Variants in CADPS observed in about 807,000 individuals in gnomAD.
CADPS encodes the protein calcium-dependent secretion activator 1.
A neutral mutation model predicts 167.3 loss-of-function variants in CADPS; 57 were observed. The ratio of observed to expected loss-of-function variants is 0.34; its 90% CI spans 0.28 to 0.42. The LOEUF (loss-of-function observed/expected upper bound fraction) is 0.42. Ranked by LOEUF, CADPS falls within the 20% of genes least tolerant of loss-of-function variation. The pLI is 1.00. For missense variants in CADPS, 1,414 were observed against 1,738.1 expected, an observed-to-expected ratio of 0.81 and a Z score of 3.32; for synonymous variants, 676 against 635.3, an observed-to-expected ratio of 1.06 and a Z score of -0.96.
intron 1 of CADPS, among the ~76,000 whole-genome samples, chr3:62,784,756 A>G (rs2092231909): frequency 2.4e-5 from 1 of 40,870 alleles, no homozygotes; most frequent in African/African-American, 5.3e-5. Context: ...GAATGCAAGC[A>G]AAAACAAAAA....
At chr3:62,464,344 C>A (rs1428107538) in intron 26 of CADPS, among the ~76,000 whole-genome samples, 2 of 152,200 alleles carry the variant, frequency 1.3e-5, no homozygotes, top group Non-Finnish European at 2.9e-5. Context: ...GGCATTCAGT[C>A]ACTATCTGGG....
chr3:62,719,725 C>T (rs551355781), intron 3 of CADPS, among the ~76,000 whole-genome samples: 7 of 152,298 alleles, frequency 4.6e-5, no homozygotes, highest in African/African-American at 1.4e-4. Context: ...AAGGCTCATC[C>T]TACCATTACA....
At chr3:62,512,411 A>C (rs2068043699) in intron 17 of CADPS, among the ~76,000 whole-genome samples, 2 of 152,156 alleles carry the variant, frequency 1.3e-5, no homozygotes, top group Admixed American at 6.6e-5. Context: ...AGAAATGAAA[A>C]ACAAAGAGGA....
At chr3:62,768,575 C>G (rs2087589918) in intron 1 of CADPS, among the ~76,000 whole-genome samples, 1 of 152,172 alleles carries the variant, frequency 6.6e-6, no homozygotes, top group African/African-American at 2.4e-5. Flanking sequence ...CCACACTCTG[C>G]CCAGCCCTGC....
At chr3:62,706,433 T>A (rs941971970) in intron 3 of CADPS, among the ~76,000 whole-genome samples, 4 of 152,126 alleles carry the variant, frequency 2.6e-5, no homozygotes, top group African/African-American at 9.7e-5. Context: ...GGCCTCCCTA[T>A]CTTGAAATAG....
chr3:62,562,797 T>C (rs2079411630), intron 9 of CADPS, among the ~76,000 whole-genome samples: 1 of 152,216 alleles, frequency 6.6e-6, no homozygotes, highest in Non-Finnish European at 1.5e-5. Context: ...AGTAAAACAC[T>C]TGGCCCATGC....
intron 6 of CADPS, among the ~76,000 whole-genome samples, chr3:62,613,414 A>C (rs756960983): frequency 2.0e-5 from 3 of 152,192 alleles, no homozygotes; most frequent in Non-Finnish European, 2.9e-5. Flanking sequence ...GGTCGTCCTC[A>C]TAAGACTCTT....
At chr3:62,606,273 T>C (rs2060684240) in intron 6 of CADPS, among the ~76,000 whole-genome samples, 1 of 152,132 alleles carries the variant, frequency 6.6e-6, no homozygotes, top group Non-Finnish European at 1.5e-5. Flanking sequence ...TATGACAGTA[T>C]TGAGGAGTGG....
intron 3 of CADPS, among the ~76,000 whole-genome samples, chr3:62,669,207 G>C (rs2075070034): frequency 6.6e-6 from 1 of 152,148 alleles, no homozygotes; most frequent in Non-Finnish European, 1.5e-5. Flanking sequence ...CCAGAGATTA[G>C]TGTCTGAGAT....
intron 11 of CADPS, among the ~76,000 whole-genome samples, chr3:62,537,374 T>C (rs1428046671): frequency 1.3e-5 from 2 of 152,154 alleles, no homozygotes; most frequent in Non-Finnish European, 2.9e-5. Context: ...GGCTAACTAA[T>C]TAATCTCAAC....
intron 1 of CADPS, among the ~76,000 whole-genome samples, chr3:62,847,230 A>T (rs926297034): frequency 2.9e-4 from 40 of 139,256 alleles, no homozygotes; most frequent in Admixed American, 1.4e-4. Flanking sequence ...CTTACCCGCC[A>T]CCTCCAGTTA....
intron 1 of CADPS, among the ~76,000 whole-genome samples, chr3:62,771,264 A>G (rs2088650724): frequency 6.6e-6 from 1 of 152,332 alleles, no homozygotes; most frequent in Middle Eastern, 3.4e-3. Context: ...TACCAGGCAC[A>G]GTGTTAGGCT....
At chr3:62,448,519 C>G (rs998838104) in intron 26 of CADPS, among the ~76,000 whole-genome samples, 1 of 152,088 alleles carries the variant, frequency 6.6e-6, no homozygotes, top group Admixed American at 6.5e-5. Flanking sequence ...GATCCTCCTC[C>G]CATCCCATAA....
At chr3:62,722,487 G>A (rs1242300883) in intron 3 of CADPS, among the ~76,000 whole-genome samples, 2 of 152,234 alleles carry the variant, frequency 1.3e-5, no homozygotes, top group African/African-American at 4.8e-5. Context: ...AACTAAGGGA[G>A]ACTCAGGGAC....
intron 7 of CADPS, among the ~76,000 whole-genome samples, chr3:62,591,529 G>C (rs2086028720): frequency 6.6e-6 from 1 of 152,164 alleles, no homozygotes; most frequent in South Asian, 2.1e-4. Flanking sequence ...CAATGATGCT[G>C]GGGTATAGTA....
intron 2 of CADPS, among the ~76,000 whole-genome samples, chr3:62,756,991 C>T (rs369779782): frequency 5.9e-5 from 9 of 152,160 alleles, no homozygotes; most frequent in East Asian, 3.9e-4. Flanking sequence ...AGCTGGGACA[C>T]GGCACAAACC....
Position 62,465,403 on chromosome 3 carries a change from G to A in CADPS, c.3600C>T (p.Asp1200=), listed in dbSNP as rs376866233. The change falls in exon 26 of 30, where the codon GAC becomes GAT. Residue 1200 remains aspartate, a synonymous_variant. Coordinates refer to ENST00000383710, the MANE Select transcript of CADPS (RefSeq NM_003716.4). The surrounding 1 kb of genome is among the most constrained non-coding windows in gnomAD (Gnocchi z 4.1). The part of the protein sequence containing the change: ...EGVLAKLSRY[D]EGTLFSSFLS... ...GAAAAGAAGAAAACAAAGTCCCTTCGTCATATCTGGATAATTTTGCCAGCA... is the reference window on the plus strand; with the variant it reads ...GAAAAGAAGAAAACAAAGTCCCTTCATCATATCTGGATAATTTTGCCAGCA... The A allele has an allele frequency of 2.9e-5, 46 of 1,609,720 alleles. No individual in the cohort carries two copies. Among genetic ancestry groups the A allele is most frequent in the Middle Eastern group, 3.3e-4 (2 of 6,070 alleles).
At chr3:62,439,877 C>T (rs944637878) in intron 27 of CADPS, 2 of 152,128 alleles carry the variant, frequency 1.3e-5, no homozygotes, top group Admixed American at 1.3e-4. Flanking sequence ...TCTCTTTTCA[C>T]GAAGTTTCAC....
intron 1 of CADPS, among the ~76,000 whole-genome samples, chr3:62,871,865 G>A (rs925671676): frequency 6.6e-6 from 1 of 152,068 alleles, no homozygotes. Flanking sequence ...TCTCTGTACC[G>A]TATATCAATT....
Sources: allele counts gnomAD v4.1 joint callset (sites outside exome capture counted in the v4.1 genomes callset), GRCh38; gene constraint gnomAD v4.1.1; non-coding constraint Gnocchi (gnomAD v3.1); transcripts MANE v1.5; gene names NCBI Gene and HGNC (gene_info 2026-07-23, HGNC 2026-07-21).